CCSER1: variants seen among roughly 807,000 people sequenced by gnomAD.
CCSER1 encodes the protein serine-rich coiled-coil domain-containing protein 1.
A neutral mutation model predicts 82.0 loss-of-function variants in CCSER1; 41 were observed. The observed-to-expected ratio is 0.50, with a 90% CI of 0.39 to 0.65. The LOEUF is 0.65. CCSER1 is among the 30% of genes least tolerant of loss of function. The pLI is 0.00. For synonymous variants in CCSER1, 414 were observed against 383.9 expected, an observed-to-expected ratio of 1.08 and a Z score of -0.92; for missense variants, 1,119 against 1,064.2, an observed-to-expected ratio of 1.05 and a Z score of -0.72.
chr4:90,570,264 C>T (rs562988496), intron 5 of CCSER1, among the ~76,000 whole-genome samples: 12 of 152,238 alleles, frequency 7.9e-5, no homozygotes, highest in African/African-American at 2.4e-4. Flanking sequence ...AATGACTCTG[C>T]GATCTAGGCT....
At chr4:90,731,893 A>T (rs2149405549) in intron 7 of CCSER1, among the ~76,000 whole-genome samples, 1 of 152,258 alleles carries the variant, frequency 6.6e-6, no homozygotes, top group South Asian at 2.1e-4. Context: ...TTCTTGTGTG[A>T]GGTTTTAAAG....
intron 5 of CCSER1, among the ~76,000 whole-genome samples, chr4:90,579,024 G>GATA (rs757661326): frequency 0.44 from 66,683 of 150,834 alleles, 17,975 homozygotes; most frequent in African/African-American, 0.77. Flanking sequence ...ATTAAAAAAA[G>GATA]CTTGACTTTT....
At chr4:91,389,625 T>C (rs888620662) in intron 10 of CCSER1, among the ~76,000 whole-genome samples, 1 of 151,908 alleles carries the variant, frequency 6.6e-6, no homozygotes, top group Non-Finnish European at 1.5e-5. Context: ...AACAACTTGC[T>C]GAGATTTCGG....
chr4:90,921,013 TATAG>T (rs1295269920), intron 8 of CCSER1, among the ~76,000 whole-genome samples: 1 of 151,712 alleles, frequency 6.6e-6, no homozygotes, highest in African/African-American at 2.4e-5. Context: ...ATGAAATTAA[TATAG>T]ATAGATTTAT....
At chr4:90,454,588 C>A (rs1004184354) in intron 4 of CCSER1, among the ~76,000 whole-genome samples, 1 of 152,078 alleles carries the variant, frequency 6.6e-6, no homozygotes, top group Non-Finnish European at 1.5e-5. Flanking sequence ...TTCCATTCTC[C>A]CATTTCATCA....
chr4:90,264,126 T>A (rs903995292), intron 1 of CCSER1, among the ~76,000 whole-genome samples: 4 of 152,238 alleles, frequency 2.6e-5, no homozygotes. Flanking sequence ...AATTTCCTTA[T>A]GAGCATAATC....
At position 90,308,344 on chromosome 4, in the gene CCSER1, A is replaced by G. The variant is rs1271225357; in HGVS notation, c.60A>G (p.Arg20=). ...TCTCCCGGTTGCCAATATTCAGAAG[A>G]AGTATTAACAGAAGACATGATTCTC... ...TLVSRLPIFR[R]SINRRHDSLP... Residue 20 remains arginine, a synonymous_variant, in exon 2 of 11, where the codon AGA becomes AGG. Transcript: ENST00000509176. 1 of 1,611,942 alleles carries G rather than the reference A, an allele frequency of 6.2e-7. No individual in the cohort carries two copies. Among genetic ancestry groups the G allele is most frequent in the African/African-American group, 1.3e-5 (1 of 74,888 alleles).
intron 3 of CCSER1, among the ~76,000 whole-genome samples, chr4:90,393,772 CTTTTT>C (rs997027362): frequency 3.6e-5 from 4 of 111,358 alleles, no homozygotes; most frequent in East Asian, 2.8e-4. Flanking sequence ...TTATATCTTC[CTTTTT>C]TTTTTTTTTT....
intron 5 of CCSER1, chr4:90,468,631 A>G: frequency 4.1e-6 from 1 of 243,406 alleles, no homozygotes; most frequent in South Asian, 1.1e-4. Context: ...CTACTCTGTG[A>G]TTGTGGGTAC....
intron 5 of CCSER1, among the ~76,000 whole-genome samples, chr4:90,626,422 T>G (rs1295338847): frequency 6.6e-6 from 1 of 152,202 alleles, no homozygotes; most frequent in Admixed American, 6.5e-5. Context: ...AAAATAGCCA[T>G]AGAAAGCATT....
rs1734388154 is a variant in CCSER1 at position 90,964,737 on chromosome 4, A to AC, written c.2172+41290_2172+41291insC. On this transcript the variant is annotated intron_variant, in intron 9 of 10. Transcript: ENST00000509176. ...CAGAGCAAGACTCTGTCTCCAAAAAAAAAAAAAAAAAAAAAGCAACAAGAA... is the reference window on the plus strand; with the variant it reads ...CAGAGCAAGACTCTGTCTCCAAAAAACAAAAAAAAAAAAAAAGCAACAAGAA... Among the ~76,000 whole-genome samples the AC allele has an allele frequency of 1.5e-4, 23 of 148,964 alleles. 1 individual carries two copies. In the South Asian group the frequency reaches 4.9e-3, roughly 32 times the overall value.
chr4:91,153,333 G>A (rs1730451797), intron 10 of CCSER1, among the ~76,000 whole-genome samples: 1 of 151,846 alleles, frequency 6.6e-6, no homozygotes, highest in African/African-American at 2.4e-5. Flanking sequence ...GCATCACGTA[G>A]TTCTCATGCC....
chr4:91,598,718 CTGTT>C lies in CCSER1; in HGVS notation c.2366_2369del (p.Cys789Ter). The C allele has an allele frequency of 6.4e-7, 1 of 1,551,504 alleles. No homozygotes were observed. Among genetic ancestry groups the C allele is most frequent in the Non-Finnish European group, 8.7e-7 (1 of 1,146,920 alleles). On this transcript the variant is annotated frameshift_variant, in exon 11 of 11. Transcript: ENST00000509176. LOFTEE classifies it high-confidence loss of function. ...ACAAGACCTGTCAACTCCCAAGTCT[CTGTT>C]TAAGTAATTTCCTGAAGGACAAGGA...
At chr4:90,876,678 T>G (rs1443881403) in intron 8 of CCSER1, among the ~76,000 whole-genome samples, 1 of 152,114 alleles carries the variant, frequency 6.6e-6, no homozygotes, top group Non-Finnish European at 1.5e-5. Context: ...CATTCATATA[T>G]CATTAAACCA....
chr4:90,844,457 G>A (rs1762955743), intron 8 of CCSER1, among the ~76,000 whole-genome samples: 1 of 151,872 alleles, frequency 6.6e-6, no homozygotes, highest in Non-Finnish European at 1.5e-5. Flanking sequence ...AGCCACATTG[G>A]CCTTCTTATT....
At chr4:91,191,397 T>C (rs1416376989) in intron 10 of CCSER1, among the ~76,000 whole-genome samples, 1 of 152,200 alleles carries the variant, frequency 6.6e-6, no homozygotes, top group Non-Finnish European at 1.5e-5. Context: ...TGGATGAATA[T>C]TGAACATGTG....
intron 9 of CCSER1, among the ~76,000 whole-genome samples, chr4:91,077,880 G>A (rs1242741659): frequency 2.0e-5 from 3 of 152,232 alleles, no homozygotes; most frequent in Admixed American, 1.3e-4. Context: ...ACTGCAAGGT[G>A]GCAGCGAGGC....
At chr4:90,390,502 A>G (rs1750822530) in intron 3 of CCSER1, among the ~76,000 whole-genome samples, 1 of 152,024 alleles carries the variant, frequency 6.6e-6, no homozygotes, top group Admixed American at 6.6e-5. Context: ...AGTATTACCC[A>G]ATGTTTATCT....
At chr4:91,586,338 G>T (rs576505938) in intron 10 of CCSER1, among the ~76,000 whole-genome samples, 178 of 151,750 alleles carry the variant, frequency 1.2e-3, no homozygotes, top group African/African-American at 4.1e-3. Flanking sequence ...CATGAAGTTG[G>T]TATGTTTAAA....
Sources: gnomAD v4.1 joint callset for allele counts (sites outside exome capture counted in the v4.1 genomes callset) on GRCh38, gnomAD v4.1.1 for gene constraint, MANE v1.5 for transcripts, NCBI Gene and HGNC (gene_info 2026-07-23, HGNC 2026-07-21) for gene names.